The following NRXN1 variants were observed in gnomAD, a reference collection of about 807,000 sequenced individuals.
The protein encoded by NRXN1 is neurexin 1, also known as neurexin-1.
Under a neutral mutation model 150.9 loss-of-function variants are expected in NRXN1, and 39 were observed. The ratio of observed to expected loss-of-function variants is 0.26; its 90% CI spans 0.20 to 0.34. The LOEUF is 0.34. NRXN1 is among the 10% of genes least tolerant of loss of function. NRXN1 has a pLI of 1.00. For synonymous variants in NRXN1, 924 were observed against 757.0 expected (o/e 1.22, Z -3.62); for missense variants, 1,815 against 1,949.9 (o/e 0.93, Z 1.30).
rs201855401 is a variant in NRXN1 at position 50,127,483 on chromosome 2, T to TA, written c.3547-35990dup. Among the ~76,000 whole-genome samples the TA allele has an allele frequency of 2.8e-3, 427 of 152,294 alleles. 2 individuals carry two copies. The highest frequency in any genetic ancestry group is 9.7e-3 in the African/African-American group (404 of 41,564). ...TTCAAATATCATTTTGCTTAGCTGT[T>TA]AGAGTTCCTTAGAGTTCGGTTTTCT... On this transcript the variant is annotated intron_variant, in intron 18 of 22. Coordinates refer to ENST00000401669, the MANE Select transcript of NRXN1 (RefSeq NM_001330078.2).
intron 17 of NRXN1, among the ~76,000 whole-genome samples, chr2:50,250,152 A>G (rs1007923983): frequency 3.3e-5 from 5 of 152,120 alleles, no homozygotes; most frequent in Non-Finnish European, 2.9e-5. Flanking sequence ...CTATTCAAAG[A>G]CCTTCAATGA....
chr2:50,087,854 G>A (rs1699015494), intron 19 of NRXN1, among the ~76,000 whole-genome samples: 1 of 152,114 alleles, frequency 6.6e-6, no homozygotes, highest in Non-Finnish European at 1.5e-5. Flanking sequence ...CAATGCTTTG[G>A]TTGCTTTTCA....
intron 18 of NRXN1, among the ~76,000 whole-genome samples, chr2:50,229,409 G>A (rs2064728924): frequency 6.6e-6 from 1 of 151,794 alleles, no homozygotes; most frequent in South Asian, 2.1e-4. Flanking sequence ...CCCCAAACTG[G>A]TTCTTAACCC....
chr2:50,376,621 A>G (rs912458597), intron 17 of NRXN1, among the ~76,000 whole-genome samples: 1 of 152,156 alleles, frequency 6.6e-6, no homozygotes, highest in Non-Finnish European at 1.5e-5. Context: ...TTAATTAAGA[A>G]TGATTAAAAT....
intron 18 of NRXN1, among the ~76,000 whole-genome samples, chr2:50,109,386 T>A (rs773710134): frequency 1.5e-4 from 23 of 152,164 alleles, no homozygotes; most frequent in Non-Finnish European, 2.8e-4. Context: ...CAATATATTT[T>A]AATTCATAAT....
chr2:50,828,853 G>A (rs1300389406), intron 5 of NRXN1, among the ~76,000 whole-genome samples: 4 of 152,178 alleles, frequency 2.6e-5, no homozygotes, highest in African/African-American at 4.8e-5. Context: ...CTGCACTCTC[G>A]GCACTTTGGG....
At chr2:50,593,991 A>G (rs975840296) in intron 8 of NRXN1, among the ~76,000 whole-genome samples, 1 of 152,190 alleles carries the variant, frequency 6.6e-6, no homozygotes, top group Non-Finnish European at 1.5e-5. Flanking sequence ...ACAATCTGAA[A>G]CAATGATATA....
At chr2:49,981,878 AAAGTT>A (rs1680048027) in intron 21 of NRXN1, among the ~76,000 whole-genome samples, 1 of 152,154 alleles carries the variant, frequency 6.6e-6, no homozygotes, top group South Asian at 2.1e-4. Context: ...ATGGTTTTCC[AAAGTT>A]AAGTTGCTTA....
chr2:50,148,256 AC>A (rs1166692278), intron 18 of NRXN1, among the ~76,000 whole-genome samples: 3 of 151,596 alleles, frequency 2.0e-5, no homozygotes, highest in African/African-American at 7.3e-5. Flanking sequence ...CAACAGCTCC[AC>A]CATTTATTGA....
intron 12 of NRXN1, among the ~76,000 whole-genome samples, chr2:50,521,229 T>G (rs2105124651): frequency 6.6e-6 from 1 of 152,308 alleles, no homozygotes; most frequent in South Asian, 2.1e-4. Flanking sequence ...CAAAAGCAAT[T>G]TTAACCATAA....
At chr2:50,938,541 T>C (rs1345834558) in intron 2 of NRXN1, among the ~76,000 whole-genome samples, 1 of 152,204 alleles carries the variant, frequency 6.6e-6, no homozygotes, top group Non-Finnish European at 1.5e-5. Context: ...TTCCACATTT[T>C]TGGGTATCTT....
intron 10 of NRXN1, among the ~76,000 whole-genome samples, chr2:50,534,845 G>C (rs1329171018): frequency 6.6e-6 from 1 of 152,010 alleles, no homozygotes; most frequent in African/African-American, 2.4e-5. Context: ...AAACTAAATA[G>C]GGGGCACCTC....
intron 17 of NRXN1, among the ~76,000 whole-genome samples, chr2:50,453,357 A>G (rs1044802120): frequency 3.3e-5 from 5 of 152,134 alleles, no homozygotes. Context: ...TCCAGGTACC[A>G]CCGTTTGGGA....
chr2:50,825,589 C>T (rs67671255), intron 5 of NRXN1, among the ~76,000 whole-genome samples: 13,457 of 152,242 alleles, frequency 0.088, 708 homozygotes, highest in Admixed American at 0.092. Flanking sequence ...CTCTGTGCCC[C>T]TTCTTCCGTA....
chr2:50,490,368 G>A lies in NRXN1; in HGVS notation c.3070+5537C>T, dbSNP rs7570339. ...TGCTCTTTTGTCAGGGGTTACAGACGGCCTTCCAACCCATAGTCTCCTTCT... is the reference window on the plus strand; with the variant it reads ...TGCTCTTTTGTCAGGGGTTACAGACAGCCTTCCAACCCATAGTCTCCTTCT... On this transcript the variant is annotated intron_variant, in intron 15 of 22. Coordinates refer to ENST00000401669, the MANE Select transcript of NRXN1 (RefSeq NM_001330078.2). Among the ~76,000 whole-genome samples the A allele has an allele frequency of 2.4e-4, 37 of 152,196 alleles. 1 individual carries two copies. In the East Asian group the frequency reaches 4.2e-3, roughly 17 times the overall value.
intron 2 of NRXN1, among the ~76,000 whole-genome samples, chr2:50,951,852 A>C (rs1170223900): frequency 6.6e-6 from 1 of 150,490 alleles, no homozygotes; most frequent in Non-Finnish European, 1.5e-5. Flanking sequence ...TTTTAAAAAT[A>C]ATATATGTTA....
At chr2:50,598,792 G>C (rs903141558) in intron 8 of NRXN1, among the ~76,000 whole-genome samples, 1 of 150,196 alleles carries the variant, frequency 6.7e-6, no homozygotes, top group African/African-American at 2.5e-5. Flanking sequence ...GAGTCTCTCT[G>C]TGTTGCCCAG....
At chr2:50,152,457 G>T (rs141242064) in intron 18 of NRXN1, among the ~76,000 whole-genome samples, 1 of 151,610 alleles carries the variant, frequency 6.6e-6, no homozygotes, top group African/African-American at 2.4e-5. Flanking sequence ...ATGTTCCAAG[G>T]CCCCCAGTGC....
chr2:50,261,154 C>CT (rs1164432159), intron 17 of NRXN1, among the ~76,000 whole-genome samples: 2 of 151,764 alleles, frequency 1.3e-5, no homozygotes, highest in African/African-American at 4.8e-5. Flanking sequence ...AGCATTTACA[C>CT]TGTAGAAGCC....
Sources: gnomAD v4.1 joint callset for allele counts (sites outside exome capture counted in the v4.1 genomes callset) on GRCh38, gnomAD v4.1.1 for gene constraint, MANE v1.5 for transcripts, NCBI Gene and HGNC (gene_info 2026-07-23, HGNC 2026-07-21) for gene names.